The following PPP3CA variants were observed in gnomAD, a reference collection of about 807,000 sequenced individuals.
PPP3CA encodes the protein protein phosphatase 3 catalytic subunit alpha.
A neutral mutation model predicts 66.5 loss-of-function variants in PPP3CA; 14 were observed. That is an observed-to-expected ratio of 0.21 (90% confidence interval 0.14 to 0.33). The LOEUF (loss-of-function observed/expected upper bound fraction) is 0.33, where lower values mean the gene tolerates loss of function less well. Ranked by LOEUF, PPP3CA falls within the 10% of genes least tolerant of loss-of-function variation. The pLI is 1.00. For synonymous variants in PPP3CA, 232 were observed against 226.2 expected (o/e 1.03, Z -0.23); for missense variants, 317 against 639.5 (o/e 0.50, Z 5.44).
chr4:101,176,954 A>AATTTATT (rs1243139721), intron 2 of PPP3CA, among the ~76,000 whole-genome samples: 5 of 152,192 alleles, frequency 3.3e-5, no homozygotes, highest in African/African-American at 4.8e-5. Context: ...AAAAGTAGTC[A>AATTTATT]ATTCACATAT....
chr4:101,255,116 T>C (rs1578599475), intron 1 of PPP3CA, among the ~76,000 whole-genome samples: 2 of 151,630 alleles, frequency 1.3e-5, no homozygotes, highest in African/African-American at 4.8e-5. Flanking sequence ...CTTATTTTTT[T>C]CTTTGAGGAA....
chr4:101,085,857 C>CAG (rs1553923935), intron 6 of PPP3CA, among the ~76,000 whole-genome samples: 25,458 of 110,440 alleles, frequency 0.23, 2,281 homozygotes, highest in Middle Eastern at 0.35. Context: ...CACACACACA[C>CAG]AGAGAGAGAG....
rs191093058 is a variant in PPP3CA at position 101,177,060 on chromosome 4, T to C, written c.259+18856A>G. Among the ~76,000 whole-genome samples, 39 of 152,066 alleles carry C rather than the reference T, an allele frequency of 2.6e-4. 1 individual carries two copies. Among genetic ancestry groups the C allele is most frequent in the Admixed American group, 2.6e-3 (39 of 15,252 alleles). On this transcript the variant is annotated intron_variant, in intron 2 of 13. Transcript: ENST00000394854. Reference sequence around the variant, plus strand: ...ATATTTTAAAGACAAAAGAAACACATGTAGGAGTGGAAGTTTCATTACGTT... The same window carrying C: ...ATATTTTAAAGACAAAAGAAACACACGTAGGAGTGGAAGTTTCATTACGTT...
chr4:101,256,132 A>G (rs1052242665), intron 1 of PPP3CA, among the ~76,000 whole-genome samples: 1 of 151,932 alleles, frequency 6.6e-6, no homozygotes, highest in Non-Finnish European at 1.5e-5. Flanking sequence ...TTGAAAACAT[A>G]TTACAAAACG....
At chr4:101,074,252 G>A (rs919700505) in intron 8 of PPP3CA, among the ~76,000 whole-genome samples, 5 of 152,214 alleles carry the variant, frequency 3.3e-5, no homozygotes, top group South Asian at 2.1e-4. Context: ...ACTTGGAGAC[G>A]CCTGGGTATA....
chr4:101,207,283 T>A (rs1447584263), intron 1 of PPP3CA, among the ~76,000 whole-genome samples: 2 of 152,178 alleles, frequency 1.3e-5, no homozygotes, highest in Non-Finnish European at 2.9e-5. Context: ...TTTATAAGAA[T>A]GCTATTAATA....
Position 101,099,690 on chromosome 4 carries a change from G to C in PPP3CA, c.417C>G (p.Leu139=), listed in dbSNP as rs1027450398. ...GAAGTAAAAACAGTGTTTTGGGGTA[G>C]AGAATTTTCAAGGCCCACAAATACA... ...CVLYLWALKI[L]YPKTLFLLRG... Residue 139 remains leucine (L), a synonymous_variant, in exon 4 of 14, where the codon CTC becomes CTG. Transcript: ENST00000394854. 2.5e-6 allele frequency: 4 copies of C among 1,587,396 alleles called. No homozygotes were observed. The African/African-American group carries it at 5.4e-5, about 22-fold the overall frequency.
intron 1 of PPP3CA, among the ~76,000 whole-genome samples, chr4:101,285,268 G>A (rs1381940600): frequency 6.6e-6 from 1 of 151,992 alleles, no homozygotes; most frequent in Non-Finnish European, 1.5e-5. Context: ...TCCTTAACTT[G>A]CTTTCCTTTA....
rs778496735 is a variant in PPP3CA, at chr4:101,106,455, GAAA to G, written c.384+2496_384+2498del. ...AAAGAAAGAAAGAAAGAAAGAAAGA[GAAA>G]AGAAAAGAAAAGAAAAGAAAAGAAA... On this transcript the variant is annotated intron_variant, in intron 3 of 13. Transcript: ENST00000394854. Among the ~76,000 whole-genome samples, 2 of 11,526 alleles carry G rather than the reference GAAA, an allele frequency of 1.7e-4. 1 individual carries two copies. Among genetic ancestry groups the G allele is most frequent in the African/African-American group, 5.6e-4 (2 of 3,574 alleles). The allele number at this position is 11,526 out of a possible 152,430, so 7.6% of individuals were successfully genotyped here.
intron 2 of PPP3CA, among the ~76,000 whole-genome samples, chr4:101,121,337 A>G (rs1370652808): frequency 1.3e-5 from 2 of 152,114 alleles, no homozygotes; most frequent in Non-Finnish European, 2.9e-5. Context: ...CCTTATAAAC[A>G]TTACTTCATT....
intron 1 of PPP3CA, among the ~76,000 whole-genome samples, chr4:101,200,662 G>A (rs1331539041): frequency 6.6e-6 from 1 of 152,166 alleles, no homozygotes. Flanking sequence ...GAAGGAGAAA[G>A]GGATTAAAGC....
chr4:101,099,936 A>G (rs1337244314), intron 3 of PPP3CA, among the ~76,000 whole-genome samples: 2 of 151,940 alleles, frequency 1.3e-5, no homozygotes, highest in African/African-American at 2.4e-5. Flanking sequence ...ACATACATAC[A>G]CGCACTGAGG....
At chr4:101,264,776 T>C (rs1727118202) in intron 1 of PPP3CA, among the ~76,000 whole-genome samples, 1 of 152,020 alleles carries the variant, frequency 6.6e-6, no homozygotes, top group Non-Finnish European at 1.5e-5. Context: ...CAAATGCCTA[T>C]AGGAGCCAGG....
At chr4:101,131,355 C>T (rs1340508814) in intron 2 of PPP3CA, among the ~76,000 whole-genome samples, 1 of 149,978 alleles carries the variant, frequency 6.7e-6, no homozygotes, top group African/African-American at 2.5e-5. Flanking sequence ...AGACCCATCT[C>T]ATGTGCAAAG....
chr4:101,051,605 C>A (rs962559449), intron 10 of PPP3CA, among the ~76,000 whole-genome samples: 1 of 152,102 alleles, frequency 6.6e-6, no homozygotes, highest in African/African-American at 2.4e-5. Flanking sequence ...ACCCTGTTTG[C>A]GAGAAGTAAA....
At chr4:101,174,938 T>C (rs78325410) in intron 2 of PPP3CA, among the ~76,000 whole-genome samples, 18 of 152,160 alleles carry the variant, frequency 1.2e-4, no homozygotes, top group Non-Finnish European at 2.1e-4. Flanking sequence ...CAGAGCTGGG[T>C]TGAATCCAGG....
At chr4:101,106,437 GAAAGAAAGAAAGA>G (rs1355557878) in intron 3 of PPP3CA, among the ~76,000 whole-genome samples, 346 of 12,146 alleles carry the variant, frequency 0.028, 80 homozygotes, top group South Asian at 0.11. Context: ...AAGAAAGAAA[GAAAGAAAGAAAGA>G]AAGAGAAAAG....
At chr4:101,212,374 T>C (rs1277724067) in intron 1 of PPP3CA, among the ~76,000 whole-genome samples, 1 of 152,000 alleles carries the variant, frequency 6.6e-6, no homozygotes, top group African/African-American at 2.4e-5. Context: ...GAAAACCAAA[T>C]AGGCCATGTT....
At chr4:101,312,205 T>C (rs1047356726) in intron 1 of PPP3CA, among the ~76,000 whole-genome samples, 8 of 152,208 alleles carry the variant, frequency 5.3e-5, no homozygotes, top group African/African-American at 1.7e-4. Context: ...TATTATATAA[T>C]GCATACATTG....
Sources: allele counts gnomAD v4.1 joint callset (sites outside exome capture counted in the v4.1 genomes callset), GRCh38; gene constraint gnomAD v4.1.1; transcripts MANE v1.5; gene names NCBI Gene and HGNC (gene_info 2026-07-23, HGNC 2026-07-21).